SLC4A4: variants seen among roughly 807,000 people sequenced by gnomAD.
SLC4A4 encodes the protein electrogenic sodium bicarbonate cotransporter 1.
In SLC4A4, 27 loss-of-function variants were observed where a neutral mutation model predicts 111.5. The ratio of observed to expected loss-of-function variants is 0.24; its 90% CI spans 0.18 to 0.33. The LOEUF (loss-of-function observed/expected upper bound fraction) is 0.33, where lower values mean the gene tolerates loss of function less well. SLC4A4 is among the 10% of genes least tolerant of loss of function. The probability of loss-of-function intolerance (pLI) is 1.00; values close to 1 mark genes in which losing one functional copy is unlikely to be tolerated. For synonymous variants in SLC4A4, 443 were observed against 463.4 expected (o/e 0.96, Z 0.57); for missense variants, 909 against 1,315.5 (o/e 0.69, Z 4.78).
chr4:71,308,640 T>G (rs948654557), intron 3 of SLC4A4, among the ~76,000 whole-genome samples: 1 of 151,848 alleles, frequency 6.6e-6, no homozygotes, highest in Non-Finnish European at 1.5e-5. Context: ...CTCCCTCCCC[T>G]AGCCAAGGAA....
chr4:71,081,155 A>G (rs765847517), intron 1 of SLC4A4, among the ~76,000 whole-genome samples: 1 of 152,114 alleles, frequency 6.6e-6, no homozygotes, highest in Non-Finnish European at 1.5e-5. Context: ...TGACTTGAAC[A>G]TCTCTGCCTT....
intron 2 of SLC4A4, among the ~76,000 whole-genome samples, chr4:71,103,208 C>A (rs1370131826): frequency 1.3e-5 from 2 of 149,980 alleles, no homozygotes; most frequent in Non-Finnish European, 3.0e-5. Context: ...ATCAATTCAA[C>A]AAGAAGAGCT....
At chr4:71,188,437 T>C (rs1393628178) in intron 1 of SLC4A4, among the ~76,000 whole-genome samples, 3 of 152,200 alleles carry the variant, frequency 2.0e-5, no homozygotes, top group African/African-American at 7.2e-5. Context: ...CCATTTCTTT[T>C]CCTGGTTCGC....
chr4:71,401,338 A>G, intron 7 of SLC4A4, among the ~76,000 whole-genome samples: 1 of 152,214 alleles, frequency 6.6e-6, no homozygotes, highest in East Asian at 1.9e-4. Flanking sequence ...ACAGCAGAAG[A>G]AGAGCATAGC....
intron 2 of SLC4A4, 71 bp from the exon 3 acceptor site, chr4:71,255,149 G>C: frequency 7.6e-7 from 1 of 1,317,726 alleles, no homozygotes; most frequent in Non-Finnish European, 1.1e-6. Flanking sequence ...TCTGATCTGT[G>C]TATCTTGTGC....
intron 3 of SLC4A4, among the ~76,000 whole-genome samples, chr4:71,284,872 G>C (rs1236981172): frequency 6.6e-6 from 1 of 152,160 alleles, no homozygotes; most frequent in East Asian, 1.9e-4. Context: ...GATGTTCCCT[G>C]ACTTAGACAC....
intron 2 of SLC4A4, among the ~76,000 whole-genome samples, chr4:71,110,245 C>T (rs1032872965): frequency 2.6e-5 from 4 of 152,156 alleles, no homozygotes; most frequent in Non-Finnish European, 5.9e-5. Flanking sequence ...GACAGGGTCT[C>T]ACTCTGCTGC....
chr4:71,084,665 T>C (rs1742103877), intron 1 of SLC4A4, among the ~76,000 whole-genome samples: 2 of 152,066 alleles, frequency 1.3e-5, no homozygotes, highest in Admixed American at 1.3e-4. Flanking sequence ...TTTGGTTTTT[T>C]GTCCTTGCGA....
intron 2 of SLC4A4, among the ~76,000 whole-genome samples, chr4:71,093,862 C>T: frequency 6.6e-6 from 1 of 152,044 alleles, no homozygotes; most frequent in East Asian, 1.9e-4. Flanking sequence ...TAGAAACAAA[C>T]TGGAGAGAAG....
chr4:71,522,712 G>A (rs1733063073), intron 16 of SLC4A4, among the ~76,000 whole-genome samples: 2 of 152,070 alleles, frequency 1.3e-5, no homozygotes, highest in Admixed American at 6.6e-5. Flanking sequence ...ACATGAATTG[G>A]TGTAATCATA....
intron 14 of SLC4A4, among the ~76,000 whole-genome samples, chr4:71,481,837 G>A (rs944737963): frequency 2.0e-5 from 3 of 151,722 alleles, no homozygotes; most frequent in East Asian, 2.0e-4. Context: ...TATGGAAAAC[G>A]ATCAACCTGT....
chr4:71,284,912 C>T (rs1723792914), intron 3 of SLC4A4, among the ~76,000 whole-genome samples: 1 of 152,198 alleles, frequency 6.6e-6, no homozygotes, highest in Non-Finnish European at 1.5e-5. Context: ...ACCTACTTCT[C>T]TAACAGACTG....
chr4:71,523,563 A>G (rs1185060788), intron 16 of SLC4A4, among the ~76,000 whole-genome samples: 1 of 152,076 alleles, frequency 6.6e-6, no homozygotes, highest in African/African-American at 2.4e-5. Flanking sequence ...GGTTGCAAAG[A>G]GGTAGTCTGT....
At chr4:71,420,284 G>GA (rs1170642098) in intron 7 of SLC4A4, among the ~76,000 whole-genome samples, 4 of 152,080 alleles carry the variant, frequency 2.6e-5, no homozygotes, top group East Asian at 3.9e-4. Context: ...GAAATTTAGA[G>GA]AAAAAAGAAT....
chr4:71,131,845 C>T (rs554816101), intron 2 of SLC4A4, among the ~76,000 whole-genome samples: 1 of 152,248 alleles, frequency 6.6e-6, no homozygotes, highest in African/African-American at 2.4e-5. Flanking sequence ...ACAAGCTCTA[C>T]CCTGTGCCAC....
chr4:71,099,291 A>G (rs72648757), intron 2 of SLC4A4, among the ~76,000 whole-genome samples: 6,940 of 152,304 alleles, frequency 0.046, 264 homozygotes, highest in Middle Eastern at 0.068. Flanking sequence ...AGTCAAGACT[A>G]AAAACATGCT....
chr4:71,216,868 T>C (rs1189936843), intron 1 of SLC4A4, among the ~76,000 whole-genome samples: 1 of 152,226 alleles, frequency 6.6e-6, no homozygotes, highest in Non-Finnish European at 1.5e-5. Context: ...CTACGTGCCT[T>C]GTCTACCTGC....
chr4:71,514,145 T>C (rs1384570733), intron 16 of SLC4A4, among the ~76,000 whole-genome samples: 1 of 152,144 alleles, frequency 6.6e-6, no homozygotes, highest in African/African-American at 2.4e-5. Context: ...ATTAGCCTCA[T>C]AGAAAGTATT....
At chr4:71,508,009 G>A (rs1263259632) in intron 16 of SLC4A4, among the ~76,000 whole-genome samples, 1 of 152,070 alleles carries the variant, frequency 6.6e-6, no homozygotes, top group African/African-American at 2.4e-5. Context: ...TGAAATTAAG[G>A]CACAAATCAG....
Sources: allele counts gnomAD v4.1 joint callset (sites outside exome capture counted in the v4.1 genomes callset), GRCh38; gene constraint gnomAD v4.1.1; transcripts MANE v1.5; gene names NCBI Gene and HGNC (gene_info 2026-07-23, HGNC 2026-07-21).